AGBL1: variants seen among roughly 807,000 people sequenced by gnomAD.
AGBL1 encodes the protein cytosolic carboxypeptidase 4.
AGBL1 carries 130 observed loss-of-function variants against 118.9 expected under a neutral mutation model. The ratio of observed to expected loss-of-function variants is 1.09; its 90% CI spans 0.95 to 1.26. AGBL1 has a LOEUF of 1.26. Among genes scored for constraint, AGBL1 ranks in the 50% most tolerant of loss-of-function variants. AGBL1 has a pLI of 0.00. For synonymous variants in AGBL1, 555 were observed against 478.9 expected, an observed-to-expected ratio of 1.16 and a Z score of -2.08; for missense variants, 1,584 against 1,298.1, an observed-to-expected ratio of 1.22 and a Z score of -3.38.
intron 22 of AGBL1, among the ~76,000 whole-genome samples, chr15:86,721,526 A>G (rs1044632978): frequency 2.0e-5 from 3 of 152,244 alleles, no homozygotes; most frequent in Non-Finnish European, 4.4e-5. Context: ...ATCTATATCT[A>G]TGACAAACCC....
intron 22 of AGBL1, among the ~76,000 whole-genome samples, chr15:86,801,468 C>T (rs114030340): frequency 0.013 from 1,906 of 152,070 alleles, 26 homozygotes; most frequent in Middle Eastern, 0.061. Context: ...TAATATTTTA[C>T]CTGCCCATGG....
chr15:86,423,334 A>G (rs1020461224), intron 18 of AGBL1, among the ~76,000 whole-genome samples: 2 of 152,218 alleles, frequency 1.3e-5, no homozygotes, highest in Admixed American at 1.3e-4. Flanking sequence ...CCACATGATT[A>G]TCTCAGTAGA....
At chr15:86,575,762 T>A (rs1457962924) in intron 21 of AGBL1, among the ~76,000 whole-genome samples, 2 of 151,808 alleles carry the variant, frequency 1.3e-5, no homozygotes, top group African/African-American at 2.4e-5. Context: ...GCTTATTTAT[T>A]GAAAAAAAAA....
intron 16 of AGBL1, among the ~76,000 whole-genome samples, chr15:86,283,977 G>A (rs1330063906): frequency 6.6e-6 from 1 of 151,910 alleles, no homozygotes; most frequent in East Asian, 1.9e-4. Context: ...TTTCTCATCT[G>A]TAAAATTGGA....
intron 22 of AGBL1, among the ~76,000 whole-genome samples, chr15:86,830,025 C>T (rs2079082375): frequency 6.6e-6 from 1 of 152,138 alleles, no homozygotes; most frequent in South Asian, 2.1e-4. Flanking sequence ...TACCGTAAAA[C>T]TTACCACCAG....
intron 18 of AGBL1, among the ~76,000 whole-genome samples, chr15:86,521,490 C>T: frequency 6.6e-6 from 1 of 152,210 alleles, no homozygotes; most frequent in East Asian, 1.9e-4. Flanking sequence ...AATAAAAATC[C>T]ATCCAAAATG....
chr15:86,104,995 A>C (rs1896964970), intron 1 of AGBL1: 1 of 152,108 alleles, frequency 6.6e-6, no homozygotes, highest in Non-Finnish European at 1.5e-5. Flanking sequence ...CCTCTCCAGG[A>C]TCCCAGGTGA....
At chr15:86,411,037 T>A in intron 18 of AGBL1, among the ~76,000 whole-genome samples, 1 of 148,128 alleles carries the variant, frequency 6.8e-6, no homozygotes, top group Non-Finnish European at 1.5e-5. Flanking sequence ...GTACAAAAAA[T>A]TCAGCAACAG....
In AGBL1 at chr15:86,144,421, C is replaced by T. The variant is rs534635450; in HGVS notation, c.262+576C>T. Among the ~76,000 whole-genome samples, 247 of 152,284 alleles carry T rather than the reference C, an allele frequency of 1.6e-3. 3 individuals are homozygous for T. In the South Asian group the frequency reaches 0.047, roughly 29 times the overall value. On this transcript the variant is annotated intron_variant, in intron 3 of 22. Transcript: ENST00000614907. ...TACAAAGACACGGACTCAACCTAAACGCCCATCTAGACTGGATAAAGAAAA... is the reference window on the plus strand; with the variant it reads ...TACAAAGACACGGACTCAACCTAAATGCCCATCTAGACTGGATAAAGAAAA...
rs981739814 is a variant in AGBL1, at chr15:86,436,152, C to A, written c.2555+38606C>A. Among the ~76,000 whole-genome samples, 9 of 134,034 alleles carry A rather than the reference C, an allele frequency of 6.7e-5. No individual in the cohort carries two copies. In the East Asian group the frequency reaches 2.0e-3, roughly 29 times the overall value. 87.9% of individuals were successfully genotyped at this position (134,034 alleles called of 152,430 possible). A position where few individuals can be genotyped will look rare whatever the true frequency, so the allele number is the denominator to read the frequency against. On this transcript the variant is annotated intron_variant, in intron 18 of 22. Transcript: ENST00000614907. ...AATCCTCAATTCTAAGCCTTGCATGCATATAGAAAATTATTGTCTTACCGC... is the reference window on the plus strand; with the variant it reads ...AATCCTCAATTCTAAGCCTTGCATGAATATAGAAAATTATTGTCTTACCGC...
At chr15:86,712,961 AC>A (rs2086583887) in intron 22 of AGBL1, among the ~76,000 whole-genome samples, 3 of 151,992 alleles carry the variant, frequency 2.0e-5, no homozygotes, top group Admixed American at 2.0e-4. Flanking sequence ...AACAATTGCC[AC>A]CCCCTTCCTA....
At chr15:86,791,759 CAG>C (rs2078497289) in intron 22 of AGBL1, among the ~76,000 whole-genome samples, 1 of 136,914 alleles carries the variant, frequency 7.3e-6, no homozygotes, top group Non-Finnish European at 1.6e-5. Flanking sequence ...TATTTTGAGA[CAG>C]AGTCTTGCTC....
intron 22 of AGBL1, among the ~76,000 whole-genome samples, chr15:86,684,453 A>G (rs1053901099): frequency 8.0e-6 from 1 of 125,244 alleles, no homozygotes; most frequent in Non-Finnish European, 1.6e-5. Context: ...AGTACCTAGC[A>G]TAGTTCTCTC....
intron 1 of AGBL1, among the ~76,000 whole-genome samples, chr15:86,102,683 C>T (rs1426463927): frequency 6.6e-6 from 1 of 152,136 alleles, no homozygotes; most frequent in African/African-American, 2.4e-5. Context: ...TCATAAGTGA[C>T]TAGACACTTT....
At chr15:86,977,487 A>G (rs1342133578) in intron 23 of AGBL1, among the ~76,000 whole-genome samples, 4 of 151,712 alleles carry the variant, frequency 2.6e-5, no homozygotes, top group Non-Finnish European at 5.9e-5. Flanking sequence ...ATTAGAGATT[A>G]ATTTATGCCA....
rs528659160 is a variant in AGBL1, at chr15:86,717,875, C to A, written c.3158+43439C>A. The stretch of plus-strand genomic sequence containing the variant: ...CAGACAGATCACAGGGTTAGGAGTT[C>A]GAGACCAGCCTGACCAACATGGTGA... On this transcript the variant is annotated intron_variant, in intron 22 of 22. Transcript: ENST00000614907. Among the ~76,000 whole-genome samples the A allele has an allele frequency of 9.9e-5, 15 of 152,118 alleles. No individual in the cohort carries two copies. In the South Asian group the frequency reaches 2.3e-3, roughly 23 times the overall value.
At chr15:86,603,998 T>C (rs2084535831) in intron 21 of AGBL1, among the ~76,000 whole-genome samples, 1 of 152,162 alleles carries the variant, frequency 6.6e-6, no homozygotes, top group Admixed American at 6.5e-5. Flanking sequence ...TCCCCAAATA[T>C]TTCTGCTTTA....
In AGBL1 at chr15:86,706,953, G is replaced by A. The variant is rs138276116; in HGVS notation, c.3158+32517G>A. Reference sequence around the variant, plus strand: ...GTAAAAAGGGATAAGAGTGGAAAACGTAGTCAAAAGGGAAAAATGAATAGA... The same window carrying A: ...GTAAAAAGGGATAAGAGTGGAAAACATAGTCAAAAGGGAAAAATGAATAGA... On this transcript the variant is annotated intron_variant, in intron 22 of 22. Coordinates refer to ENST00000614907, the MANE Select transcript of AGBL1 (RefSeq NM_001386094.1). Among the ~76,000 whole-genome samples the A allele has an allele frequency of 1.5e-4, 23 of 152,142 alleles. No homozygotes were observed. In the East Asian group the frequency reaches 4.1e-3, roughly 27 times the overall value.
intron 21 of AGBL1, among the ~76,000 whole-genome samples, chr15:86,637,228 T>C (rs1211229173): frequency 6.6e-6 from 1 of 151,678 alleles, no homozygotes; most frequent in African/African-American, 2.4e-5. Flanking sequence ...TAAGAAAAAA[T>C]AGATGTAAGA....
Sources: gnomAD v4.1 joint callset for allele counts (sites outside exome capture counted in the v4.1 genomes callset) on GRCh38, gnomAD v4.1.1 for gene constraint, MANE v1.5 for transcripts, NCBI Gene and HGNC (gene_info 2026-07-23, HGNC 2026-07-21) for gene names.